ADGRE1: variants seen among roughly 807,000 people sequenced by gnomAD.
The protein encoded by ADGRE1 is adhesion G protein-coupled receptor E1.
Under a neutral mutation model 102.7 loss-of-function variants are expected in ADGRE1, and 82 were observed. The ratio of observed to expected loss-of-function variants is 0.80; its 90% CI spans 0.67 to 0.96. The LOEUF is 0.96. Ranked by LOEUF, ADGRE1 falls within the 40% of genes least tolerant of loss-of-function variation. The pLI, the probability that ADGRE1 is intolerant of heterozygous loss-of-function variation, is 0.00. For missense variants in ADGRE1, 1,032 were observed against 1,085.3 expected (o/e 0.95, Z 0.69); for synonymous variants, 398 against 399.6 (o/e 1.00, Z 0.05).
chr19:6,930,413 T>C (rs1167114995), intron 17 of ADGRE1, among the ~76,000 whole-genome samples: 1 of 152,216 alleles, frequency 6.6e-6, no homozygotes, highest in Non-Finnish European at 1.5e-5. Flanking sequence ...CTTATGTCTT[T>C]TGTCATATTT....
intron 16 of ADGRE1, among the ~76,000 whole-genome samples, chr19:6,927,305 C>CCTTCCTCCCTTCCT (rs1974963767): frequency 7.2e-6 from 1 of 138,868 alleles, no homozygotes; most frequent in Admixed American, 7.4e-5. Context: ...CCCTCTCTTC[C>CCTTCCTCCCTTCCT]TCCCTTCCTC....
chr19:6,935,214 A>G (rs1254894209), intron 18 of ADGRE1, 136 bp downstream of exon 18: 4 of 471,600 alleles, frequency 8.5e-6, no homozygotes, highest in Non-Finnish European at 1.4e-5. Context: ...ATATCACACC[A>G]TCTAGATCTG....
rs769105706 is a variant in ADGRE1 at position 6,934,993 on chromosome 19, T to C, written c.2296T>C (p.Ser766Pro). The C allele has an allele frequency of 1.0e-5, 16 of 1,579,342 alleles. No individual in the cohort carries two copies. Among genetic ancestry groups the C allele is most frequent in the Admixed American group, 1.8e-5 (1 of 55,736 alleles). ...CTTCTGCTTGACTTTGCAGATCAAC[T>C]CCCTTCTCCTGACCTGGACCTTGTG... ...GPVCTVIVINSLLLTWTLWIL... is the reference protein window; with the variant it reads ...GPVCTVIVINPLLLTWTLWIL... The change falls in exon 18 of 21, where the codon TCC becomes CCC. Residue 766 changes from serine (S) to proline (P), a missense_variant. Physicochemically the swap from Ser to Pro is moderately conservative, Grantham distance 74. Coordinates refer to ENST00000312053, the MANE Select transcript of ADGRE1 (RefSeq NM_001974.5).
At chr19:6,916,432 C>G in intron 12 of ADGRE1, 64 bp downstream of exon 12, 1 of 1,543,948 alleles carries the variant, frequency 6.5e-7, no homozygotes, top group Non-Finnish European at 8.8e-7. Flanking sequence ...TTATCGATCC[C>G]TTTCTAGGTG....
intron 20 of ADGRE1, 66 bp downstream of exon 20, chr19:6,937,714 G>A: frequency 6.8e-7 from 1 of 1,461,470 alleles, no homozygotes; most frequent in Non-Finnish European, 9.5e-7. Context: ...GTGACACTCA[G>A]CTCTGCCACG....
rs766771619 is a variant in ADGRE1, at chr19:6,921,713, C to G, written c.1621C>G (p.Pro541Ala). 21 of 1,578,892 alleles carry G rather than the reference C, an allele frequency of 1.3e-5. No homozygotes were observed. The African/African-American group carries it at 2.7e-4, about 20-fold the overall frequency. Residue 541 changes from proline to alanine, a missense_variant and splice_region_variant, in exon 14 of 21, where the codon CCA becomes GCA. Physicochemically the swap from Pro to Ala is conservative, Grantham distance 27 (BLOSUM62 -1). Transcript: ENST00000312053. ...TTTTTTGTTTTTTTGTTTTTTTTAG[C>G]CAAAGCAGAAGTTTGAGAGGCCCAT... The part of the protein sequence containing the change: ...PIIYTLENIQ[P>A]KQKFERPICV...
At chr19:6,934,913 T>C in intron 17 of ADGRE1, 74 bp from the exon 18 acceptor site, 1 of 1,066,206 alleles carries the variant, frequency 9.4e-7, no homozygotes, top group Non-Finnish European at 1.3e-6. Context: ...AGCCCAGAGT[T>C]CTCTTTTTAT....
At chr19:6,898,616 G>T in intron 5 of ADGRE1, 4 of 1,449,554 alleles carry the variant, frequency 2.8e-6, no homozygotes, top group South Asian at 2.4e-5. Context: ...AGCAGCGTCT[G>T]CCCTGAGCAT....
intron 10 of ADGRE1, among the ~76,000 whole-genome samples, chr19:6,913,123 G>A (rs1599738487): frequency 6.6e-6 from 1 of 152,006 alleles, no homozygotes; most frequent in East Asian, 1.9e-4. Context: ...TTGTACAGAT[G>A]GGGTCTTGTT....
intron 17 of ADGRE1, among the ~76,000 whole-genome samples, chr19:6,934,529 T>C (rs1975306863): frequency 1.4e-5 from 2 of 141,360 alleles, no homozygotes; most frequent in Admixed American, 7.1e-5. Context: ...CAAGTGATTC[T>C]CATGCCTCAG....
chr19:6,936,677 C>T (rs1323119982), intron 18 of ADGRE1, among the ~76,000 whole-genome samples: 1 of 149,400 alleles, frequency 6.7e-6, no homozygotes, highest in Non-Finnish European at 1.5e-5. Flanking sequence ...GGCTAGAGGG[C>T]ATTGGCACGG....
rs1975613338 is a variant in ADGRE1, at chr19:6,940,158, T to C, written c.*129T>C. The C allele has an allele frequency of 8.9e-7, 1 of 1,120,630 alleles. No homozygotes were observed. Among genetic ancestry groups the C allele is most frequent in the African/African-American group, 1.6e-5 (1 of 64,480 alleles). 69.4% of individuals were successfully genotyped at this position (1,120,630 alleles called of 1,614,324 possible). A position where few individuals can be genotyped will look rare whatever the true frequency, so the allele number is the denominator to read the frequency against. On this transcript the variant is annotated 3_prime_UTR_variant, in exon 21 of 21. Coordinates refer to ENST00000312053, the MANE Select transcript of ADGRE1 (RefSeq NM_001974.5). The stretch of plus-strand genomic sequence containing the variant: ...GGATCCCACCAGCCCCAGAACCCTC[T>C]GGGGAAGAATGTTGGGGGCGGTCTT...
intron 5 of ADGRE1, among the ~76,000 whole-genome samples, chr19:6,899,617 T>C (rs1408452911): frequency 6.6e-6 from 1 of 150,838 alleles, no homozygotes; most frequent in Non-Finnish European, 1.5e-5. Context: ...GAGGCGGAGG[T>C]TGGAGTGAGC....
intron 2 of ADGRE1, among the ~76,000 whole-genome samples, chr19:6,893,304 T>C (rs897688046): frequency 6.6e-6 from 1 of 152,146 alleles, no homozygotes; most frequent in African/African-American, 2.4e-5. Flanking sequence ...TTCAAGTGAT[T>C]CTCCTGCCTC....
At chr19:6,936,870 G>A (rs1003846422) in intron 18 of ADGRE1, among the ~76,000 whole-genome samples, 35 of 151,954 alleles carry the variant, frequency 2.3e-4, no homozygotes, top group African/African-American at 8.5e-4. Flanking sequence ...TGATCCACCA[G>A]CCTTGGCCTC....
intron 20 of ADGRE1, 124 bp downstream of exon 20, chr19:6,937,772 T>C: frequency 1.4e-6 from 1 of 726,842 alleles, no homozygotes; most frequent in Non-Finnish European, 2.3e-6. Flanking sequence ...AGTTAGCTCA[T>C]GGATGAAGTG....
At chr19:6,913,355 T>G (rs1046664133) in intron 10 of ADGRE1, among the ~76,000 whole-genome samples, 4 of 152,090 alleles carry the variant, frequency 2.6e-5, no homozygotes, top group African/African-American at 9.6e-5. Context: ...AATTTTTTTG[T>G]ATTTTTAGTA....
chr19:6,934,966 T>C (rs373964780), intron 17 of ADGRE1, 21 bp from the exon 18 acceptor site: 25 of 1,544,500 alleles, frequency 1.6e-5, no homozygotes, highest in Non-Finnish European at 2.1e-5. Context: ...AGTCTCTCCA[T>C]CCTTCTGCTT....
At chr19:6,898,310 T>A (rs749576405) in intron 5 of ADGRE1, 1 of 1,597,540 alleles carries the variant, frequency 6.3e-7, no homozygotes, top group Non-Finnish European at 8.6e-7. Context: ...TGTCTAGATA[T>A]TGATGAATGT....
Sources: gnomAD v4.1 joint callset for allele counts (sites outside exome capture counted in the v4.1 genomes callset) on GRCh38, gnomAD v4.1.1 for gene constraint, MANE v1.5 for transcripts, NCBI Gene and HGNC (gene_info 2026-07-23, HGNC 2026-07-21) for gene names.